MYO10: variants seen among roughly 807,000 people sequenced by gnomAD.
MYO10 encodes the protein unconventional myosin-X.
MYO10 carries 133 observed loss-of-function variants against 257.3 expected under a neutral mutation model. The ratio of observed to expected loss-of-function variants is 0.52; its 90% CI spans 0.45 to 0.60. The LOEUF (loss-of-function observed/expected upper bound fraction) is 0.60. Ranked by LOEUF, MYO10 falls within the 20% of genes least tolerant of loss-of-function variation. The pLI, the probability that MYO10 is intolerant of heterozygous loss-of-function variation, is 0.00. For synonymous variants in MYO10, 1,104 were observed against 1,028.6 expected (o/e 1.07, Z -1.40); for missense variants, 2,399 against 2,635.7 (o/e 0.91, Z 1.97).
chr5:16,746,520 T>A (rs1025455214), intron 19 of MYO10, among the ~76,000 whole-genome samples: 2 of 152,206 alleles, frequency 1.3e-5, no homozygotes, highest in Non-Finnish European at 2.9e-5. Flanking sequence ...GTGAATTTCA[T>A]CATAATTTTT....
chr5:16,869,413 G>A lies in MYO10; in HGVS notation c.120+8196C>T, dbSNP rs138534836. 4.4e-3 allele frequency among the ~76,000 whole-genome samples: 665 copies of A among 151,714 alleles called. 3 individuals carry two copies. The highest frequency in any genetic ancestry group is 8.0e-3 in the Non-Finnish European group (543 of 67,924). ...ACCAGCCTGGGTAACACAGTAAGAC[G>A]CCACCTCCAGAAAAAATTTTTCAGG... On this transcript the variant is annotated intron_variant, in intron 2 of 40. Coordinates refer to ENST00000513610, the MANE Select transcript of MYO10 (RefSeq NM_012334.3).
chr5:16,775,338 A>G (rs1741182720), intron 9 of MYO10, among the ~76,000 whole-genome samples: 1 of 152,228 alleles, frequency 6.6e-6, no homozygotes, highest in Admixed American at 6.5e-5. Context: ...TAAATTTTAA[A>G]AATACATTAA....
At chr5:16,839,178 C>T (rs570100623) in intron 2 of MYO10, among the ~76,000 whole-genome samples, 71 of 152,196 alleles carry the variant, frequency 4.7e-4, no homozygotes, top group African/African-American at 1.6e-3. Flanking sequence ...ATGGTGATTG[C>T]TCTGATGGAG....
chr5:16,909,169 A>C (rs1745590288), intron 1 of MYO10, among the ~76,000 whole-genome samples: 1 of 152,202 alleles, frequency 6.6e-6, no homozygotes, highest in Admixed American at 6.5e-5. Context: ...CATGTCTTAC[A>C]TGGTGGCAGG....
chr5:16,700,089 C>T (rs953992363), intron 25 of MYO10, among the ~76,000 whole-genome samples: 4 of 152,114 alleles, frequency 2.6e-5, no homozygotes, highest in Non-Finnish European at 5.9e-5. Flanking sequence ...ACATTCAATG[C>T]ACGACCAAAG....
At position 16,893,633 on chromosome 5, in the gene MYO10, CA is replaced by C. The variant is rs58021066; in HGVS notation, c.22-15927del. On this transcript the variant is annotated intron_variant, in intron 1 of 40. Coordinates refer to ENST00000513610, the MANE Select transcript of MYO10 (RefSeq NM_012334.3). The stretch of plus-strand genomic sequence containing the variant: ...TGGGTGAGGGAGTGAGACTCTGTCT[CA>C]AAAAAAAAAAAAAAAAAAGAAAATT... 3.5e-3 allele frequency among the ~76,000 whole-genome samples: 201 copies of C among 57,246 alleles called. 1 individual carries two copies. The highest frequency in any genetic ancestry group is 7.7e-3 in the African/African-American group (126 of 16,352). 37.6% of individuals were successfully genotyped at this position (57,246 alleles called of 152,430 possible). A position where few individuals can be genotyped will look rare whatever the true frequency, so the allele number is the denominator to read the frequency against.
At position 16,727,573 on chromosome 5, in the gene MYO10, A is replaced by G. The variant is rs554770544; in HGVS notation, c.1930-16328T>C. 3.9e-5 allele frequency among the ~76,000 whole-genome samples: 6 copies of G among 152,380 alleles called. No individual in the cohort carries two copies. The South Asian group carries it at 1.2e-3, about 32-fold the overall frequency. ...CTCTGAACAAATAAATCAAACACGA[A>G]GAATTTCCATTAACATCAAATAAAG... On this transcript the variant is annotated intron_variant, in intron 19 of 40. Transcript: ENST00000513610.
At chr5:16,850,422 C>T (rs1464282786) in intron 2 of MYO10, among the ~76,000 whole-genome samples, 3 of 151,884 alleles carry the variant, frequency 2.0e-5, no homozygotes, top group Non-Finnish European at 2.9e-5. Context: ...GGACTACAGG[C>T]GCGCACCACC....
chr5:16,868,840 TTC>T (rs1236867378), intron 2 of MYO10, among the ~76,000 whole-genome samples: 1 of 152,240 alleles, frequency 6.6e-6, no homozygotes, highest in Non-Finnish European at 1.5e-5. Flanking sequence ...AATACTTTGG[TTC>T]TCTGTATTCC....
chr5:16,855,755 A>G (rs963487500), intron 2 of MYO10, among the ~76,000 whole-genome samples: 2 of 152,234 alleles, frequency 1.3e-5, no homozygotes, highest in African/African-American at 4.8e-5. Context: ...AACATCTGTC[A>G]TTAGCTCTGT....
At chr5:16,683,819 GA>G in intron 30 of MYO10, 60 bp downstream of exon 30, 6 of 1,521,106 alleles carry the variant, frequency 3.9e-6, no homozygotes, top group Non-Finnish European at 5.5e-6. Context: ...CAGCAGCACA[GA>G]CACCTGTGGA....
intron 19 of MYO10, among the ~76,000 whole-genome samples, chr5:16,718,379 T>C (rs934302297): frequency 1.3e-5 from 2 of 152,254 alleles, no homozygotes; most frequent in East Asian, 3.9e-4. Context: ...CCTGCAGCCC[T>C]GGTGCGGGAT....
At chr5:16,899,634 A>C (rs1745319649) in intron 1 of MYO10, among the ~76,000 whole-genome samples, 1 of 151,226 alleles carries the variant, frequency 6.6e-6, no homozygotes, top group Non-Finnish European at 1.5e-5. Flanking sequence ...GTTTCAAAAA[A>C]AAAAAAAACA....
chr5:16,890,242 G>A (rs2562342), intron 1 of MYO10, among the ~76,000 whole-genome samples: 68,164 of 151,416 alleles, frequency 0.45, 15,931 homozygotes, highest in Admixed American at 0.5. Context: ...TAATGTGTTG[G>A]CAAGAATGTG....
At chr5:16,719,447 C>G (rs1579901237) in intron 19 of MYO10, among the ~76,000 whole-genome samples, 3 of 152,268 alleles carry the variant, frequency 2.0e-5, no homozygotes, top group Admixed American at 2.0e-4. Flanking sequence ...TGATGCCCTG[C>G]ATGTGACAAC....
intron 1 of MYO10, among the ~76,000 whole-genome samples, chr5:16,902,996 C>T (rs1311717618): frequency 1.3e-5 from 2 of 152,236 alleles, no homozygotes; most frequent in Non-Finnish European, 2.9e-5. Context: ...CCCAATGCCT[C>T]GTAACCTTGG....
At chr5:16,856,620 A>G (rs1440464973) in intron 2 of MYO10, among the ~76,000 whole-genome samples, 1 of 152,012 alleles carries the variant, frequency 6.6e-6, no homozygotes, top group Non-Finnish European at 1.5e-5. Context: ...CATTCAAGCA[A>G]AGTAAGTGGA....
chr5:16,816,882 C>T (rs1182216360), intron 3 of MYO10, among the ~76,000 whole-genome samples: 1 of 150,292 alleles, frequency 6.7e-6, no homozygotes, highest in African/African-American at 2.5e-5. Flanking sequence ...TGCAGTGGCG[C>T]GATCTTGGCT....
In MYO10 at chr5:16,677,414, AC is replaced by A. The variant is rs1200354593; in HGVS notation, c.4543-1261del. On this transcript the variant is annotated intron_variant, in intron 33 of 40. Coordinates refer to ENST00000513610, the MANE Select transcript of MYO10 (RefSeq NM_012334.3). ...TTATGGACTTATTTAGGGTAACTTG[AC>A]CTTTTTTTTTTTTTTTTTGAGACGG... is the stretch of plus-strand genomic sequence containing the variant. 2.3e-4 allele frequency among the ~76,000 whole-genome samples: 22 copies of A among 96,810 alleles called. 1 individual carries two copies. The highest frequency in any genetic ancestry group is 8.7e-4 in the African/African-American group (20 of 22,956). The allele number at this position is 96,810 out of a possible 152,430, so 63.5% of individuals were successfully genotyped here.
Sources: gnomAD v4.1 joint callset for allele counts (sites outside exome capture counted in the v4.1 genomes callset) on GRCh38, gnomAD v4.1.1 for gene constraint, MANE v1.5 for transcripts, NCBI Gene and HGNC (gene_info 2026-07-23, HGNC 2026-07-21) for gene names.